Variants in SERPINB8 observed in about 807,000 individuals in gnomAD.
SERPINB8 encodes serpin family B member 8.
In SERPINB8, 25 loss-of-function variants were observed where a neutral mutation model predicts 35.3. The observed-to-expected ratio is 0.71, with a 90% CI of 0.52 to 0.99. The LOEUF (loss-of-function observed/expected upper bound fraction) is 0.99. Ranked by LOEUF, SERPINB8 falls within the 50% of genes least tolerant of loss-of-function variation. The pLI, the probability that SERPINB8 is intolerant of heterozygous loss-of-function variation, is 0.00. For synonymous variants in SERPINB8, 186 were observed against 160.8 expected (o/e 1.16, Z -1.19); for missense variants, 484 against 446.5 (o/e 1.08, Z -0.76).
At position 63,987,335 on chromosome 18, in the gene SERPINB8, A is replaced by C; in HGVS notation, c.*57A>C. On this transcript the variant is annotated 3_prime_UTR_variant, in exon 7 of 7. Transcript: ENST00000397985. The stretch of plus-strand genomic sequence containing the variant: ...CCTTCTACCTATCTTGCCTTAATTA[A>C]CATTCCCTGTGACCTAGTTGGTGCA... 1 of 1,530,840 alleles carries C rather than the reference A, an allele frequency of 6.5e-7. No homozygotes were observed. Among genetic ancestry groups the C allele is most frequent in the African/African-American group, 1.4e-5 (1 of 72,720 alleles). 94.8% of individuals were successfully genotyped at this position (1,530,840 alleles called of 1,614,324 possible).
In SERPINB8 at chr18:63,987,957, G is replaced by C. The variant is rs1444207434; in HGVS notation, c.*679G>C. 6.6e-6 allele frequency: 1 copy of C among 152,186 alleles called. No homozygotes were observed. The highest frequency in any genetic ancestry group is 1.5e-5 in the Non-Finnish European group (1 of 68,076). The allele number at this position is 152,186 out of a possible 1,614,324, so 9.4% of individuals were successfully genotyped here. ...CCTCTGAAACACACAAAATACCAAA[G>C]GAACTTACGCAACACACCACTGAGT... On this transcript the variant is annotated 3_prime_UTR_variant, in exon 7 of 7. Coordinates refer to ENST00000397985, the MANE Select transcript of SERPINB8 (RefSeq NM_002640.4).
At chr18:63,973,775 T>G (rs2050532755) in intron 1 of SERPINB8, among the ~76,000 whole-genome samples, 1 of 152,228 alleles carries the variant, frequency 6.6e-6, no homozygotes, top group South Asian at 2.1e-4. Context: ...TTTGTCCGGT[T>G]TGTCAAAGAT....
At chr18:63,999,899 G>C (rs114341920) in intron 1 of SERPINB8, among the ~76,000 whole-genome samples, 3,837 of 152,218 alleles carry the variant, frequency 0.025, 149 homozygotes, top group African/African-American at 0.088. Context: ...GCTCTGGGTG[G>C]TTTTTCCCAC....
intron 1 of SERPINB8, among the ~76,000 whole-genome samples, chr18:64,003,519 A>ATGTGTGTGTGTGTGTG (rs61161137): frequency 6.8e-6 from 1 of 148,054 alleles, no homozygotes; most frequent in African/African-American, 2.5e-5. Context: ...TGAGGGACAA[A>ATGTGTGTGTGTGTGTG]TGTGTGTGTG....
chr18:63,983,499 T>C, intron 4 of SERPINB8, 80 bp from the exon 5 acceptor site: 1 of 1,389,460 alleles, frequency 7.2e-7, no homozygotes, highest in Admixed American at 1.7e-5. Context: ...ACCAAGCCTC[T>C]GCCTTATGTG....
intron 1 of SERPINB8, among the ~76,000 whole-genome samples, chr18:64,003,780 C>T (rs2050887472): frequency 6.6e-6 from 1 of 152,130 alleles, no homozygotes; most frequent in Admixed American, 6.5e-5. Context: ...CTTACTCAGA[C>T]ATTTTGTTGT....
rs778257696 is a variant in SERPINB8 at position 63,987,009 on chromosome 18, T to C, written c.856T>C (p.Leu286=). The C allele has an allele frequency of 1.2e-4, 192 of 1,614,160 alleles. 4 individuals carry two copies. The South Asian group carries it at 1.9e-3, about 16-fold the overall frequency. The part of the protein sequence containing the change: ...SYDLEPFLRR[L]GMIDAFDEAK... ...TGACTTGGAGCCTTTCCTTCGAAGATTAGGAATGATCGATGCTTTTGACGA... is the reference window on the plus strand; with the variant it reads ...TGACTTGGAGCCTTTCCTTCGAAGACTAGGAATGATCGATGCTTTTGACGA... Residue 286 remains leucine (L), a synonymous_variant, in exon 7 of 7, where the codon TTA becomes CTA. Transcript: ENST00000397985.
chr18:64,008,178 C>G (rs2050909051), downstream of SERPINB8, among the ~76,000 whole-genome samples: 1 of 152,154 alleles, frequency 6.6e-6, no homozygotes, highest in Non-Finnish European at 1.5e-5. Flanking sequence ...AAAAAACATT[C>G]ATTAAGCTTT....
At chr18:63,985,405 A>C (rs1348243751) in intron 6 of SERPINB8, among the ~76,000 whole-genome samples, 160 bp downstream of exon 6, 1 of 152,182 alleles carries the variant, frequency 6.6e-6, no homozygotes, top group Non-Finnish European at 1.5e-5. Flanking sequence ...ATGTTCATGC[A>C]TTTCTGTTGA....
chr18:63,989,942 C>CA (rs1161052778), downstream of SERPINB8, among the ~76,000 whole-genome samples: 1,630 of 27,740 alleles, frequency 0.059, 303 homozygotes, highest in Non-Finnish European at 0.08. Context: ...GACTCTGTCT[C>CA]AAAAAAAAAA....
Position 63,986,954 on chromosome 18 carries a change from C to T in SERPINB8, c.801C>T (p.Phe267=), listed in dbSNP as rs771394223. 2.5e-6 allele frequency: 4 copies of T among 1,614,064 alleles called. No individual in the cohort carries two copies. Among genetic ancestry groups the T allele is most frequent in the South Asian group, 2.2e-5 (2 of 91,076 alleles). ...TGACAAAAAGTAAGGTTCAAGTTTT[C>T]CTTCCCAGATTAAAGCTGGAGGAGA... ...EKLTKSKVQV[F]LPRLKLEESY... Residue 267 remains phenylalanine (F), a synonymous_variant, in exon 7 of 7, where the codon TTC becomes TTT. Transcript: ENST00000397985.
At chr18:63,997,496 G>T (rs2050855729) in intron 1 of SERPINB8, among the ~76,000 whole-genome samples, 1 of 152,242 alleles carries the variant, frequency 6.6e-6, no homozygotes, top group Middle Eastern at 3.4e-3. Context: ...GGACCTTCTG[G>T]GCCACACATA....
chr18:63,977,468 C>T (rs1400339881), intron 1 of SERPINB8, among the ~76,000 whole-genome samples: 1 of 152,080 alleles, frequency 6.6e-6, no homozygotes, highest in South Asian at 2.1e-4. Context: ...GCTGGGATTA[C>T]AGGTGCCCGC....
At chr18:63,974,892 T>C (rs750278218) in intron 1 of SERPINB8, among the ~76,000 whole-genome samples, 2 of 151,952 alleles carry the variant, frequency 1.3e-5, no homozygotes, top group Non-Finnish European at 2.9e-5. Context: ...AGGGTAGATA[T>C]TGATGGGAAA....
intron 3 of SERPINB8, among the ~76,000 whole-genome samples, chr18:63,981,185 C>A (rs1052609646): frequency 6.6e-6 from 1 of 152,216 alleles, no homozygotes; most frequent in East Asian, 1.9e-4. Flanking sequence ...CTATCACGCT[C>A]CATTCCCATG....
At chr18:63,990,546 A>G (rs898764272), downstream of SERPINB8, among the ~76,000 whole-genome samples, 1 of 150,990 alleles carries the variant, frequency 6.6e-6, no homozygotes, top group Non-Finnish European at 1.5e-5. Context: ...TTTAAGTTTT[A>G]GGGTACATGT....
exon 8 of SERPINB8, chr18:64,019,658 G>A (rs2050967124): frequency 6.6e-6 from 1 of 151,928 alleles, no homozygotes; most frequent in South Asian, 2.1e-4. Context: ...GATCTACCCA[G>A]TAAGTGGTCA....
chr18:64,013,433 GT>G (rs2050935147), intron 7 of SERPINB8, among the ~76,000 whole-genome samples: 1 of 152,126 alleles, frequency 6.6e-6, no homozygotes, highest in Non-Finnish European at 1.5e-5. Context: ...TCTTTGGTAT[GT>G]TTCCTTTTCC....
intron 1 of SERPINB8, among the ~76,000 whole-genome samples, chr18:63,974,737 A>G (rs1337757397): frequency 3.3e-5 from 5 of 152,208 alleles, no homozygotes; most frequent in Non-Finnish European, 7.3e-5. Flanking sequence ...CAAAAGCTAT[A>G]AAGTCCAAAT....
Sources: allele counts gnomAD v4.1 joint callset (sites outside exome capture counted in the v4.1 genomes callset), GRCh38; gene constraint gnomAD v4.1.1; transcripts MANE v1.5; gene names NCBI Gene and HGNC (gene_info 2026-07-23, HGNC 2026-07-21).